The following BLTP1 variants were observed in gnomAD, a reference collection of about 807,000 sequenced individuals.
BLTP1 encodes fragile site-associated protein.
the BLTP1 span, chr4:122,235,677 C>T: frequency 3.1e-4 from 49 of 155,888 alleles, no homozygotes; most frequent in Admixed American, 1.0e-3. Flanking sequence ...TGGTGGCGGG[C>T]GCCTGTAGTC....
chr4:122,313,499 T>G, the BLTP1 span: 1 of 532,738 alleles, frequency 1.9e-6, no homozygotes, highest in African/African-American at 2.0e-5. Flanking sequence ...GATTAAGAAC[T>G]AAAATCTAGG....
the BLTP1 span, chr4:122,220,977 A>C: frequency 1.1e-5 from 5 of 476,180 alleles, no homozygotes; most frequent in Non-Finnish European, 1.4e-5. Context: ...GAATTTGAAA[A>C]TGTATTACAT....
the BLTP1 span, chr4:122,154,330 C>T: frequency 1.0e-6 from 1 of 984,856 alleles, no homozygotes; most frequent in Admixed American, 6.2e-5. Context: ...CTTTCTGCTT[C>T]AGTTGTGGTT....
At chr4:122,271,871 G>C in the BLTP1 span, 3 of 698,296 alleles carry the variant, frequency 4.3e-6, no homozygotes, top group South Asian at 2.1e-5. Context: ...AAATAAAACA[G>C]TAATGGAATT....
At chr4:122,236,562 T>A in the BLTP1 span, among the ~76,000 whole-genome samples, 6 of 152,176 alleles carry the variant, frequency 3.9e-5, no homozygotes, top group Admixed American at 6.5e-5. Flanking sequence ...TATAGCCAAG[T>A]ATGGCTGAGA....
chr4:122,279,701 C>T, the BLTP1 span: 4 of 1,481,306 alleles, frequency 2.7e-6, no homozygotes, highest in Admixed American at 4.6e-5. Context: ...TTTTCTTGCT[C>T]TCAATATTTT....
the BLTP1 span, chr4:122,207,714 T>C: frequency 8.0e-7 from 1 of 1,248,956 alleles, no homozygotes; most frequent in East Asian, 2.4e-5. Context: ...ATCTTCACTC[T>C]CTTCTCCCCA....
At chr4:122,187,582 G>C in the BLTP1 span, 1 of 1,431,456 alleles carries the variant, frequency 7.0e-7, no homozygotes, top group Non-Finnish European at 9.5e-7. Flanking sequence ...TTGCAAATAT[G>C]ATTTTAATGT....
At chr4:122,305,583 T>G in the BLTP1 span, 1 of 981,948 alleles carries the variant, frequency 1.0e-6, no homozygotes, top group Non-Finnish European at 1.2e-6. Context: ...TCTTGTCATC[T>G]CTTAGAGGTT....
At chr4:122,239,950 C>T in the BLTP1 span, 1 of 1,614,020 alleles carries the variant, frequency 6.2e-7, no homozygotes, top group Non-Finnish European at 8.5e-7. Context: ...AAAAAGCAAA[C>T]CCAGCAGATT....
chr4:122,250,793 C>T, the BLTP1 span, among the ~76,000 whole-genome samples: 1 of 151,988 alleles, frequency 6.6e-6, no homozygotes, highest in Non-Finnish European at 1.5e-5. Flanking sequence ...CCATCATAGT[C>T]CTAGCATTAT....
chr4:122,224,369 G>C, the BLTP1 span: 4 of 1,010,992 alleles, frequency 4.0e-6, no homozygotes, highest in Non-Finnish European at 5.7e-6. Flanking sequence ...TTAGGAGCTT[G>C]TGGATTCTGA....
the BLTP1 span, chr4:122,188,096 A>G: frequency 2.1e-6 from 3 of 1,457,560 alleles, no homozygotes; most frequent in Non-Finnish European, 2.7e-6. Context: ...TGAGTAAGAA[A>G]ATCTTATAAA....
chr4:122,278,568 A>C, the BLTP1 span, among the ~76,000 whole-genome samples: 1 of 152,198 alleles, frequency 6.6e-6, no homozygotes, highest in Non-Finnish European at 1.5e-5. Context: ...AGCAGATGTT[A>C]TCATTCTTTG....
the BLTP1 span, chr4:122,325,297 G>A: frequency 1.9e-6 from 3 of 1,608,692 alleles, no homozygotes; most frequent in East Asian, 4.5e-5. Context: ...TGGACCTAGA[G>A]TAACTTTTAA....
At chr4:122,187,578 A>G in the BLTP1 span, 2 of 1,472,214 alleles carry the variant, frequency 1.4e-6, no homozygotes, top group South Asian at 2.7e-5. Context: ...ATTTTTGCAA[A>G]TATGATTTTA....
At chr4:122,246,113 GA>G in the BLTP1 span, 4 of 1,521,986 alleles carry the variant, frequency 2.6e-6, no homozygotes, top group Non-Finnish European at 3.5e-6. Context: ...TGGAAGTTAT[GA>G]AAAGCTTGTG....
the BLTP1 span, among the ~76,000 whole-genome samples, chr4:122,360,775 A>G: frequency 6.6e-6 from 1 of 152,052 alleles, no homozygotes; most frequent in Non-Finnish European, 1.5e-5. Flanking sequence ...CCTAATGCAG[A>G]AAACTATTTG....
chr4:122,201,195 T>C, the BLTP1 span: 1 of 1,226,592 alleles, frequency 8.2e-7, no homozygotes, highest in Non-Finnish European at 1.1e-6. Context: ...TGATAAGTTT[T>C]ACTTTTAAAT....
Sources: allele counts gnomAD v4.1 joint callset (sites outside exome capture counted in the v4.1 genomes callset), GRCh38; gene constraint gnomAD v4.1.1; transcripts MANE v1.5; gene names NCBI Gene and HGNC (gene_info 2026-07-23, HGNC 2026-07-21).